The following NCOA1 variants were observed in gnomAD, a reference collection of about 807,000 sequenced individuals.
NCOA1 encodes the protein Hin-2 protein.
In NCOA1, 35 loss-of-function variants were observed where a neutral mutation model predicts 150.9. That is an observed-to-expected ratio of 0.23 (90% CI 0.18 to 0.31). The LOEUF (loss-of-function observed/expected upper bound fraction) is 0.31. Ranked by LOEUF, NCOA1 falls within the 10% of genes least tolerant of loss-of-function variation. The pLI is 1.00. For missense variants in NCOA1, 1,491 were observed against 1,749.3 expected (o/e 0.85, Z 2.63); for synonymous variants, 590 against 630.0 (o/e 0.94, Z 0.95).
In NCOA1 at chr2:24,546,885, C is replaced by A. The variant is rs143712067; in HGVS notation, c.-395-17410C>A. Among the ~76,000 whole-genome samples, 57 of 152,336 alleles carry A rather than the reference C, an allele frequency of 3.7e-4. 1 individual carries two copies. Among genetic ancestry groups the A allele is most frequent in the African/African-American group, 1.3e-3 (54 of 41,578 alleles). On this transcript the variant is annotated intron_variant, in intron 1 of 22. Coordinates refer to ENST00000348332, the MANE Select transcript of NCOA1 (RefSeq NM_003743.5). ...GTGGTGTCAGAGTAGTTGGATTTCT[C>A]ACATGGCTTCTGACTTCCAAGAAGA... is the stretch of plus-strand genomic sequence containing the variant.
At chr2:24,565,827 C>G (rs1455031158) in intron 2 of NCOA1, among the ~76,000 whole-genome samples, 2 of 152,170 alleles carry the variant, frequency 1.3e-5, no homozygotes, top group African/African-American at 2.4e-5. Context: ...AGCACGGGCG[C>G]TCACTCCCTG....
chr2:24,598,130 A>G (rs1395800384), intron 3 of NCOA1, among the ~76,000 whole-genome samples: 3 of 152,212 alleles, frequency 2.0e-5, no homozygotes, highest in African/African-American at 7.2e-5. Flanking sequence ...ATGTCTGCAT[A>G]GTATTCCATG....
chr2:24,526,641 T>C (rs1664665088), intron 1 of NCOA1, among the ~76,000 whole-genome samples: 1 of 152,092 alleles, frequency 6.6e-6, no homozygotes, highest in African/African-American at 2.4e-5. Context: ...AAAATGTTTT[T>C]AAAAATAAAT....
intron 20 of NCOA1, among the ~76,000 whole-genome samples, chr2:24,754,995 G>A (rs1008773109): frequency 1.3e-5 from 2 of 152,172 alleles, no homozygotes; most frequent in African/African-American, 4.8e-5. Flanking sequence ...TGCTCATTTG[G>A]TTCATGTGCA....
chr2:24,679,507 A>G (rs186064854), intron 7 of NCOA1, among the ~76,000 whole-genome samples: 1 of 152,190 alleles, frequency 6.6e-6, no homozygotes, highest in Non-Finnish European at 1.5e-5. Flanking sequence ...TTTAATCTTT[A>G]TAAGTATATA....
intron 4 of NCOA1, among the ~76,000 whole-genome samples, chr2:24,654,522 A>G (rs556632371): frequency 1.1e-4 from 17 of 152,292 alleles, no homozygotes; most frequent in African/African-American, 3.8e-4. Flanking sequence ...TCAGATACCA[A>G]ATTACTAAGA....
At chr2:24,670,079 A>C (rs899959361) in intron 6 of NCOA1, among the ~76,000 whole-genome samples, 38 of 152,306 alleles carry the variant, frequency 2.5e-4, no homozygotes, top group African/African-American at 9.1e-4. Context: ...TTGAGGTTGC[A>C]ATGAGCTGTG....
chr2:24,745,984 C>T (rs971827374), intron 19 of NCOA1, among the ~76,000 whole-genome samples: 1 of 152,188 alleles, frequency 6.6e-6, no homozygotes, highest in Non-Finnish European at 1.5e-5. Context: ...CTGGACACTC[C>T]CAATCATAAA....
intron 1 of NCOA1, among the ~76,000 whole-genome samples, chr2:24,557,481 T>C (rs1666117714): frequency 1.3e-5 from 2 of 152,032 alleles, no homozygotes; most frequent in South Asian, 4.1e-4. Context: ...TCGTCTTTGC[T>C]ACCCCCTCCC....
chr2:24,593,143 A>T (rs1366033287), intron 3 of NCOA1, among the ~76,000 whole-genome samples: 1 of 152,160 alleles, frequency 6.6e-6, no homozygotes, highest in East Asian at 1.9e-4. Context: ...GGCTCTTGTC[A>T]GAGGGCCAGA....
intron 3 of NCOA1, among the ~76,000 whole-genome samples, chr2:24,601,841 G>A (rs1668136302): frequency 6.6e-6 from 1 of 151,798 alleles, no homozygotes; most frequent in Non-Finnish European, 1.5e-5. Flanking sequence ...TCACCGTGTT[G>A]CCCAGGCTGG....
intron 1 of NCOA1, among the ~76,000 whole-genome samples, chr2:24,552,317 T>C (rs1665861070): frequency 9.6e-6 from 1 of 103,714 alleles, no homozygotes; most frequent in African/African-American, 3.7e-5. Flanking sequence ...GTGCTTCATA[T>C]ATATTATATA....
intron 3 of NCOA1, among the ~76,000 whole-genome samples, chr2:24,591,684 T>A (rs549004260): frequency 4.6e-5 from 7 of 152,270 alleles, no homozygotes; most frequent in Admixed American, 4.6e-4. Context: ...ATGCATCTAC[T>A]CTTCTATTGG....
intron 1 of NCOA1, among the ~76,000 whole-genome samples, chr2:24,543,455 T>C (rs1665482305): frequency 6.6e-6 from 1 of 151,754 alleles, no homozygotes; most frequent in Admixed American, 6.6e-5. Flanking sequence ...TTAAGATGAG[T>C]TTTGGAGGGG....
intron 17 of NCOA1, among the ~76,000 whole-genome samples, chr2:24,736,408 C>G (rs147512060): frequency 6.6e-6 from 1 of 152,072 alleles, no homozygotes; most frequent in Non-Finnish European, 1.5e-5. Context: ...ACTTAGCAAT[C>G]TTAAAACAAG....
At chr2:24,546,405 A>G (rs1665607636) in intron 1 of NCOA1, among the ~76,000 whole-genome samples, 1 of 152,248 alleles carries the variant, frequency 6.6e-6, no homozygotes, top group African/African-American at 2.4e-5. Context: ...ATTTGTCTGT[A>G]TAGAATCAAT....
intron 5 of NCOA1, among the ~76,000 whole-genome samples, chr2:24,660,752 C>G (rs960988990): frequency 1.3e-5 from 2 of 152,074 alleles, no homozygotes; most frequent in African/African-American, 4.8e-5. Context: ...ACACATATCT[C>G]CTATTTTATA....
At chr2:24,509,699 A>G (rs11125629) in intron 1 of NCOA1, among the ~76,000 whole-genome samples, 70,731 of 152,064 alleles carry the variant, frequency 0.47, 19,240 homozygotes, top group East Asian at 0.75. Context: ...TGGGTGAACA[A>G]TGATGTCTTG....
chr2:24,512,891 G>A (rs933032036), intron 1 of NCOA1, among the ~76,000 whole-genome samples: 5 of 152,122 alleles, frequency 3.3e-5, no homozygotes, highest in African/African-American at 9.7e-5. Flanking sequence ...ATCTCAACTC[G>A]CTTTTCTGTT....
Sources: allele counts gnomAD v4.1 joint callset (sites outside exome capture counted in the v4.1 genomes callset), GRCh38; gene constraint gnomAD v4.1.1; transcripts MANE v1.5; gene names NCBI Gene and HGNC (gene_info 2026-07-23, HGNC 2026-07-21).